Variants in ZNF804A observed in about 807,000 individuals in gnomAD.
The protein encoded by ZNF804A is zinc finger protein 804A.
ZNF804A carries 2 observed loss-of-function variants against 16.5 expected under a neutral mutation model. The ratio of observed to expected loss-of-function variants is 0.12; its 90% CI spans 0.05 to 0.38. The LOEUF (loss-of-function observed/expected upper bound fraction) is 0.38, where lower values mean the gene tolerates loss of function less well. Ranked by LOEUF, ZNF804A falls within the 10% of genes least tolerant of loss-of-function variation. ZNF804A has a pLI of 0.99. For synonymous variants in ZNF804A, 534 were observed against 489.6 expected (o/e 1.09, Z -1.20); for missense variants, 1,473 against 1,390.7 (o/e 1.06, Z -0.94).
At chr2:184,606,949 A>G (rs1691156814) in intron 1 of ZNF804A, among the ~76,000 whole-genome samples, 1 of 152,208 alleles carries the variant, frequency 6.6e-6, no homozygotes, top group Non-Finnish European at 1.5e-5. Flanking sequence ...TTTTATAATG[A>G]GCTAACTAAA....
At chr2:184,815,481 A>G (rs911925282) in intron 1 of ZNF804A, among the ~76,000 whole-genome samples, 4 of 151,820 alleles carry the variant, frequency 2.6e-5, no homozygotes, top group Non-Finnish European at 5.9e-5. Flanking sequence ...ACATTATAAT[A>G]AAATAGTAGT....
chr2:184,615,354 G>C (rs1691302326), intron 1 of ZNF804A, among the ~76,000 whole-genome samples: 1 of 152,098 alleles, frequency 6.6e-6, no homozygotes, highest in Non-Finnish European at 1.5e-5. Flanking sequence ...ATGTATCCCA[G>C]AACTTAAATT....
In ZNF804A at chr2:184,785,054, T is replaced by C. The variant is rs565665940; in HGVS notation, c.112-81315T>C. 2.0e-5 allele frequency among the ~76,000 whole-genome samples: 3 copies of C among 152,076 alleles called. No homozygotes were observed. The East Asian group carries it at 5.8e-4, about 29-fold the overall frequency. ...ACGTATGTAAAAGTTTGTTCTCACA[T>C]AAACATTTCTATTGCTCATAAAAAT... On this transcript the variant is annotated intron_variant, in intron 1 of 3. Transcript: ENST00000302277.
intron 3 of ZNF804A, among the ~76,000 whole-genome samples, chr2:184,934,303 GTTGTAATTCAGACT>G (rs1424030225): frequency 6.6e-6 from 1 of 152,080 alleles, no homozygotes; most frequent in East Asian, 1.9e-4. Flanking sequence ...TGTGAACAGT[GTTGTAATTCAGACT>G]TTACAATTCA....
intron 1 of ZNF804A, among the ~76,000 whole-genome samples, chr2:184,756,741 T>G (rs2105761246): frequency 6.6e-6 from 1 of 152,176 alleles, no homozygotes; most frequent in East Asian, 1.9e-4. Context: ...TGTGTATAGG[T>G]GTACGAGTGT....
intron 1 of ZNF804A, among the ~76,000 whole-genome samples, chr2:184,778,354 T>C (rs1282464793): frequency 6.6e-6 from 1 of 151,518 alleles, no homozygotes; most frequent in Non-Finnish European, 1.5e-5. Context: ...CCCAAAGATA[T>C]GGGGAAAAAG....
chr2:184,866,283 T>C (rs1336202527), intron 1 of ZNF804A, 86 bp from the exon 2 acceptor site: 10 of 1,250,120 alleles, frequency 8.0e-6, no homozygotes, highest in Middle Eastern at 2.5e-4. Context: ...CTAACTCTAA[T>C]TATTGTACTA....
In ZNF804A at chr2:184,800,592, A is replaced by G. The variant is rs545777942; in HGVS notation, c.112-65777A>G. ...TCAAATACTTATAGATTTTCTAGCT[A>G]TCTCTTAATTTCTAGTTTACTTTTG... is the stretch of plus-strand genomic sequence containing the variant. On this transcript the variant is annotated intron_variant, in intron 1 of 3. Transcript: ENST00000302277. Among the ~76,000 whole-genome samples the G allele has an allele frequency of 4.6e-5, 7 of 151,738 alleles. No individual in the cohort carries two copies. The East Asian group carries it at 1.4e-3, about 29-fold the overall frequency.
chr2:184,847,304 A>T (rs1255216071), intron 1 of ZNF804A, among the ~76,000 whole-genome samples: 1 of 151,994 alleles, frequency 6.6e-6, no homozygotes, highest in Non-Finnish European at 1.5e-5. Context: ...CTTACATCTA[A>T]ATGCGTGTTT....
chr2:184,791,754 GT>G (rs1694548237), intron 1 of ZNF804A, among the ~76,000 whole-genome samples: 2 of 152,160 alleles, frequency 1.3e-5, no homozygotes, highest in African/African-American at 4.8e-5. Context: ...TATTCTATGA[GT>G]TTTGACAAAT....
chr2:184,735,725 TA>T (rs2105749929), intron 1 of ZNF804A, among the ~76,000 whole-genome samples: 1 of 152,284 alleles, frequency 6.6e-6, no homozygotes, highest in Admixed American at 6.5e-5. Context: ...GTTTGTGGAG[TA>T]AAACAGTGGT....
chr2:184,679,061 C>G (rs2105717649), intron 1 of ZNF804A, among the ~76,000 whole-genome samples: 1 of 152,234 alleles, frequency 6.6e-6, no homozygotes, highest in South Asian at 2.1e-4. Context: ...AGTGACAAGA[C>G]AAAGTAGTAG....
intron 1 of ZNF804A, among the ~76,000 whole-genome samples, chr2:184,795,777 A>G (rs1425373692): frequency 6.6e-6 from 1 of 152,180 alleles, no homozygotes; most frequent in African/African-American, 2.4e-5. Context: ...AAGACCATGC[A>G]AGGCTACTAT....
chr2:184,666,588 G>C (rs1286588870), intron 1 of ZNF804A, among the ~76,000 whole-genome samples: 1 of 151,978 alleles, frequency 6.6e-6, no homozygotes, highest in East Asian at 1.9e-4. Flanking sequence ...TGGTCACTTT[G>C]TCCTGCACAA....
chr2:184,705,776 G>A (rs1177534294), intron 1 of ZNF804A, among the ~76,000 whole-genome samples: 1 of 152,038 alleles, frequency 6.6e-6, no homozygotes, highest in Non-Finnish European at 1.5e-5. Context: ...CTTGGCAAAT[G>A]ACCATTTCAT....
At position 184,611,250 on chromosome 2, in the gene ZNF804A, T is replaced by A. The variant is rs763981297; in HGVS notation, c.111+12180T>A. ...AGTCCTCATCTCTGATACCATCACATTGGGGCTTAGAATTTCAACATATAC... is the reference window on the plus strand; with the variant it reads ...AGTCCTCATCTCTGATACCATCACAATGGGGCTTAGAATTTCAACATATAC... On this transcript the variant is annotated intron_variant, in intron 1 of 3. Coordinates refer to ENST00000302277, the MANE Select transcript of ZNF804A (RefSeq NM_194250.2). Among the ~76,000 whole-genome samples the A allele has an allele frequency of 3.9e-4, 59 of 152,184 alleles. 1 individual carries two copies. The highest frequency in any genetic ancestry group is 1.6e-4 in the Non-Finnish European group (11 of 67,988).
At chr2:184,599,247 C>G (rs1442428942) in intron 1 of ZNF804A, among the ~76,000 whole-genome samples, 177 bp downstream of exon 1, 1 of 152,094 alleles carries the variant, frequency 6.6e-6, no homozygotes, top group African/African-American at 2.4e-5. Context: ...AAGCTGTGAT[C>G]CATGGCTTTG....
At chr2:184,648,746 A>G (rs1163676796) in intron 1 of ZNF804A, among the ~76,000 whole-genome samples, 1 of 152,162 alleles carries the variant, frequency 6.6e-6, no homozygotes, top group Non-Finnish European at 1.5e-5. Context: ...ACTAAACTAT[A>G]TGTATACTCA....
chr2:184,924,402 G>C (rs1014708858), intron 2 of ZNF804A, among the ~76,000 whole-genome samples: 7 of 151,484 alleles, frequency 4.6e-5, no homozygotes, highest in Admixed American at 4.6e-4. Flanking sequence ...TATGGTATCT[G>C]TTGCAATCTC....
Sources: gnomAD v4.1 joint callset for allele counts (sites outside exome capture counted in the v4.1 genomes callset) on GRCh38, gnomAD v4.1.1 for gene constraint, MANE v1.5 for transcripts, NCBI Gene and HGNC (gene_info 2026-07-23, HGNC 2026-07-21) for gene names.